The following MACROD2 variants were observed in gnomAD, a reference collection of about 807,000 sequenced individuals.
The protein encoded by MACROD2 is ADP-ribose glycohydrolase MACROD2.
MACROD2 carries 36 observed loss-of-function variants against 70.4 expected under a neutral mutation model. That is an observed-to-expected ratio of 0.51 (90% CI 0.39 to 0.68). MACROD2 has a LOEUF of 0.68. MACROD2 is among the 30% of genes least tolerant of loss of function. The pLI is 0.00. For missense variants in MACROD2, 496 were observed against 538.4 expected (o/e 0.92, Z 0.78); for synonymous variants, 172 against 178.8 (o/e 0.96, Z 0.30).
intron 8 of MACROD2, among the ~76,000 whole-genome samples, chr20:15,595,463 G>A (rs900677641): frequency 7.2e-5 from 11 of 152,014 alleles, no homozygotes; most frequent in Non-Finnish European, 1.3e-4. Flanking sequence ...AATTTGGAGA[G>A]AGAATCATTT....
chr20:16,026,293 C>T (rs1425517516), intron 15 of MACROD2, among the ~76,000 whole-genome samples: 1 of 152,206 alleles, frequency 6.6e-6, no homozygotes, highest in Non-Finnish European at 1.5e-5. Context: ...AGGGGAGAGC[C>T]TCAGTACACC....
In MACROD2 at chr20:15,851,628, G is replaced by A. The variant is rs76672244; in HGVS notation, c.646-11117G>A. 2.3e-3 allele frequency among the ~76,000 whole-genome samples: 348 copies of A among 152,272 alleles called. 1 individual carries two copies. The highest frequency in any genetic ancestry group is 7.5e-3 in the African/African-American group (310 of 41,570). ...AAATATAGTCACATTCTGAGATACT[G>A]GGGGTTAGGACTTTTATGACTGAAT... is the stretch of plus-strand genomic sequence containing the variant. On this transcript the variant is annotated intron_variant, in intron 8 of 17. Transcript: ENST00000684519.
chr20:14,431,762 C>T (rs1285125917), intron 3 of MACROD2, among the ~76,000 whole-genome samples: 3 of 152,152 alleles, frequency 2.0e-5, no homozygotes, highest in African/African-American at 7.2e-5. Flanking sequence ...AGACCTGAAG[C>T]AGTTGAGTGA....
intron 6 of MACROD2, among the ~76,000 whole-genome samples, chr20:15,261,002 G>C (rs2077244699): frequency 6.6e-6 from 1 of 151,954 alleles, no homozygotes. Context: ...TTCCAGGAAG[G>C]TGGTAAAATA....
intron 5 of MACROD2, among the ~76,000 whole-genome samples, chr20:15,169,097 T>C (rs2076405790): frequency 6.6e-6 from 1 of 152,144 alleles, no homozygotes; most frequent in South Asian, 2.1e-4. Flanking sequence ...TGTTGTACAA[T>C]AATAGTGATA....
intron 3 of MACROD2, among the ~76,000 whole-genome samples, chr20:14,416,500 C>T (rs1035984155): frequency 6.6e-6 from 1 of 152,066 alleles, no homozygotes; most frequent in Non-Finnish European, 1.5e-5. Flanking sequence ...TTTGTTTGTA[C>T]TTCAAGAACA....
chr20:15,805,645 T>G (rs113435474), intron 8 of MACROD2, among the ~76,000 whole-genome samples: 7 of 152,168 alleles, frequency 4.6e-5, no homozygotes, highest in African/African-American at 1.7e-4. Flanking sequence ...CCCAGCTAAT[T>G]TTGTATATTT....
At chr20:14,473,916 T>C (rs143585285) in intron 3 of MACROD2, among the ~76,000 whole-genome samples, 23 of 152,270 alleles carry the variant, frequency 1.5e-4, no homozygotes, top group African/African-American at 5.5e-4. Context: ...GTGAGCATGT[T>C]TTCATGCACT....
chr20:14,167,306 A>T (rs1222551777), intron 3 of MACROD2, among the ~76,000 whole-genome samples: 1 of 152,068 alleles, frequency 6.6e-6, no homozygotes, highest in Non-Finnish European at 1.5e-5. Context: ...TCACATGATT[A>T]TATGCTTCTT....
intron 10 of MACROD2, chr20:15,893,913 GCT>G (rs1227490159): frequency 2.2e-6 from 1 of 456,704 alleles, no homozygotes; most frequent in Admixed American, 2.3e-5. Context: ...AAAGAAGGAG[GCT>G]CAGCTAGGAA....
chr20:15,239,122 G>T (rs2077038731), intron 6 of MACROD2, among the ~76,000 whole-genome samples: 1 of 151,686 alleles, frequency 6.6e-6, no homozygotes, highest in African/African-American at 2.4e-5. Context: ...TATCTAGAGG[G>T]TTAATAGTAT....
chr20:15,234,198 A>G (rs1481662739), intron 6 of MACROD2, among the ~76,000 whole-genome samples: 28 of 136,922 alleles, frequency 2.0e-4, no homozygotes, highest in African/African-American at 7.6e-4. Flanking sequence ...CGCCCGGCTA[A>G]TTTTTTTGTA....
intron 9 of MACROD2, among the ~76,000 whole-genome samples, chr20:15,871,722 TAGAG>T (rs1299563780): frequency 6.6e-6 from 1 of 152,070 alleles, no homozygotes; most frequent in African/African-American, 2.4e-5. Context: ...GTAAGCAACA[TAGAG>T]GGAGAATGGC....
intron 4 of MACROD2, among the ~76,000 whole-genome samples, chr20:14,620,656 G>T (rs2123451542): frequency 6.6e-6 from 1 of 152,106 alleles, no homozygotes; most frequent in Non-Finnish European, 1.5e-5. Context: ...TTGGGAACAA[G>T]GAGCTGTCTA....
chr20:15,458,639 TAAA>T (rs71340228), intron 7 of MACROD2, among the ~76,000 whole-genome samples: 4,583 of 116,974 alleles, frequency 0.039, 99 homozygotes, highest in South Asian at 0.074. Flanking sequence ...TTTTTTTTTT[TAAA>T]AAAAAAAAAG....
intron 5 of MACROD2, among the ~76,000 whole-genome samples, chr20:15,098,923 A>G (rs903562185): frequency 2.0e-5 from 3 of 152,342 alleles, no homozygotes; most frequent in Admixed American, 1.3e-4. Context: ...TACTAGTTAC[A>G]TTCAGAGTAG....
chr20:14,274,487 G>A (rs530837587), intron 3 of MACROD2, among the ~76,000 whole-genome samples: 22 of 152,220 alleles, frequency 1.4e-4, no homozygotes, highest in Admixed American at 5.9e-4. Context: ...GTATTGATGG[G>A]ATGTATCTCA....
intron 8 of MACROD2, among the ~76,000 whole-genome samples, chr20:15,757,421 T>C (rs949301128): frequency 2.6e-5 from 4 of 152,166 alleles, no homozygotes; most frequent in South Asian, 4.1e-4. Context: ...GAAGGATTAT[T>C]AGCCAGGATG....
At chr20:14,581,750 A>T (rs750887866) in intron 4 of MACROD2, among the ~76,000 whole-genome samples, 2 of 152,126 alleles carry the variant, frequency 1.3e-5, no homozygotes, top group Non-Finnish European at 2.9e-5. Flanking sequence ...CTGTTGCATC[A>T]GCTGAACAGA....
Sources: allele counts gnomAD v4.1 joint callset (sites outside exome capture counted in the v4.1 genomes callset), GRCh38; gene constraint gnomAD v4.1.1; transcripts MANE v1.5; gene names NCBI Gene and HGNC (gene_info 2026-07-23, HGNC 2026-07-21).